Variants in HEG1 observed in about 807,000 individuals in gnomAD.
The protein encoded by HEG1 is protein HEG homolog 1.
A neutral mutation model predicts 125.6 loss-of-function variants in HEG1; 56 were observed. The observed-to-expected ratio is 0.45, with a 90% CI of 0.36 to 0.56. The LOEUF (loss-of-function observed/expected upper bound fraction) is 0.56. Ranked by LOEUF, HEG1 falls within the 20% of genes least tolerant of loss-of-function variation. The probability of loss-of-function intolerance (pLI) is 0.00; values close to 1 mark genes in which losing one functional copy is unlikely to be tolerated. For missense variants in HEG1, 1,523 were observed against 1,670.0 expected (o/e 0.91, Z 1.53); for synonymous variants, 644 against 668.5 (o/e 0.96, Z 0.57).
chr3:125,019,608 A>C lies in HEG1; in HGVS notation c.1253-11T>G. 6.3e-7 allele frequency: 1 copy of C among 1,591,840 alleles called. No individual in the cohort carries two copies. Among genetic ancestry groups the C allele is most frequent in the Non-Finnish European group, 8.6e-7 (1 of 1,162,224 alleles). ...GATGTTCTCCAAAGGCTGTAAGGTA[A>C]TATAGGAAAAAAAGGCCATTACATA... On this transcript the variant is annotated splice_polypyrimidine_tract_variant and intron_variant, in intron 4 of 16. Coordinates refer to ENST00000311127, the MANE Select transcript of HEG1 (RefSeq NM_020733.2).
chr3:125,054,404 G>T (rs896874915), intron 1 of HEG1, among the ~76,000 whole-genome samples: 23 of 152,206 alleles, frequency 1.5e-4, no homozygotes, highest in African/African-American at 5.5e-4. Flanking sequence ...GTTTTTACAG[G>T]AGAACTTGAT....
At chr3:124,980,336 C>A (rs1936625255) in intron 14 of HEG1, among the ~76,000 whole-genome samples, 1 of 152,194 alleles carries the variant, frequency 6.6e-6, no homozygotes, top group African/African-American at 2.4e-5. Context: ...GCTTATCCTG[C>A]CACACCAAGT....
chr3:125,014,312 G>A (rs942863318), intron 5 of HEG1, among the ~76,000 whole-genome samples: 7 of 152,096 alleles, frequency 4.6e-5, no homozygotes, highest in Non-Finnish European at 1.0e-4. Flanking sequence ...TGCCTTTTTC[G>A]ATAAAAGCAA....
chr3:125,033,972 C>G (rs79729014), intron 1 of HEG1, among the ~76,000 whole-genome samples: 1 of 151,862 alleles, frequency 6.6e-6, no homozygotes, highest in African/African-American at 2.4e-5. Context: ...CACCCCACCC[C>G]GCCCTATCCG....
intron 14 of HEG1, among the ~76,000 whole-genome samples, chr3:124,978,242 G>A (rs1427907493): frequency 6.6e-6 from 1 of 152,168 alleles, no homozygotes; most frequent in East Asian, 1.9e-4. Context: ...CCGCCTCCTG[G>A]GTTCAAGCGA....
chr3:125,049,041 T>G (rs981919435), intron 1 of HEG1, among the ~76,000 whole-genome samples: 2 of 152,186 alleles, frequency 1.3e-5, no homozygotes, highest in Non-Finnish European at 2.9e-5. Flanking sequence ...TTTTCCTCTT[T>G]TATTTCACCA....
At chr3:125,037,546 A>C (rs2333032) in intron 1 of HEG1, among the ~76,000 whole-genome samples, 1 of 152,120 alleles carries the variant, frequency 6.6e-6, no homozygotes, top group African/African-American at 2.4e-5. Flanking sequence ...GCCTAACTAC[A>C]CTCAGTAACA....
Position 125,019,313 on chromosome 3 carries a change from T to C in HEG1, c.1537A>G (p.Thr513Ala). The C allele has an allele frequency of 6.2e-7, 1 of 1,613,592 alleles. No individual in the cohort carries two copies. The highest frequency in any genetic ancestry group is 8.5e-7 in the Non-Finnish European group (1 of 1,179,484). ...GAATTCAAGCTTTCCGAGGAAGATG[T>C]AGATGAAGACTCTGAATAACTCCTA... is the stretch of plus-strand genomic sequence containing the variant. Reference protein sequence around the residue: ...GDRSYSESSSTSSSESLNSSA... With the variant: ...GDRSYSESSSASSSESLNSSA... The change falls in exon 5 of 17, where the codon ACA (threonine) becomes GCA (alanine). Residue 513 changes from threonine to alanine, a missense_variant. Transcript: ENST00000311127.
chr3:125,052,775 C>G (rs1937841279), intron 1 of HEG1, among the ~76,000 whole-genome samples: 1 of 152,138 alleles, frequency 6.6e-6, no homozygotes, highest in African/African-American at 2.4e-5. Context: ...GGTGCAAAAG[C>G]TTAACAATGG....
chr3:125,051,047 G>A (rs1176259982), intron 1 of HEG1, among the ~76,000 whole-genome samples: 1 of 152,088 alleles, frequency 6.6e-6, no homozygotes, highest in Non-Finnish European at 1.5e-5. Flanking sequence ...CCCAGGAGAG[G>A]GCCCATTAAG....
intron 1 of HEG1, among the ~76,000 whole-genome samples, chr3:125,036,558 G>A (rs1223934747): frequency 2.0e-5 from 3 of 152,118 alleles, no homozygotes; most frequent in African/African-American, 7.2e-5. Flanking sequence ...TGACAAACAA[G>A]GGTAAATGTC....
chr3:125,027,429 G>A lies in HEG1; in HGVS notation c.689C>T (p.Thr230Ile), dbSNP rs1319255635. 1.9e-6 allele frequency: 3 copies of A among 1,613,940 alleles called. No homozygotes were observed. In the Admixed American group the frequency reaches 5.0e-5, roughly 27 times the overall value. The change falls in exon 3 of 17, where the codon ACA becomes ATA. Residue 230 changes from threonine to isoleucine, a missense_variant. By Grantham distance (89) the Thr-to-Ile change is moderately conservative (BLOSUM62 -1). Coordinates refer to ENST00000311127, the MANE Select transcript of HEG1 (RefSeq NM_020733.2). ...CCTCTCTGTTCCCATCTCCGAGGCT[G>A]TTCCACTCTTTGTTTGAAAAGCGGC... The part of the protein sequence containing the change: ...RIAAFQTKSG[T>I]ASEMGTERAM...
chr3:125,048,026 T>C (rs1212478107), intron 1 of HEG1, among the ~76,000 whole-genome samples: 1 of 152,134 alleles, frequency 6.6e-6, no homozygotes, highest in East Asian at 1.9e-4. Flanking sequence ...AGATGGGGGC[T>C]CCTGTTATTC....
At chr3:125,009,627 G>A in intron 8 of HEG1, 78 bp downstream of exon 8, 3 of 1,415,606 alleles carry the variant, frequency 2.1e-6, no homozygotes, top group Middle Eastern at 1.8e-4. Context: ...ATTTTGGTTA[G>A]CAAGAAAAAT....
chr3:125,029,353 T>C lies in HEG1; in HGVS notation c.452A>G (p.His151Arg), dbSNP rs374678444. The change falls in exon 2 of 17, where the codon CAT (histidine) becomes CGT (arginine). Residue 151 changes from histidine (H) to arginine (R), a missense_variant. Coordinates refer to ENST00000311127, the MANE Select transcript of HEG1 (RefSeq NM_020733.2). ...GVMVQTSGKS[H>R]AASDAPENLT... ...GTTTTCTGGAGCATCCGAAGCAGCA[T>C]GGCTCTTCCCAGAGGTCTGAACCAT... 8 of 1,613,984 alleles carry C rather than the reference T, an allele frequency of 5.0e-6. No individual in the cohort carries two copies. In the South Asian group the frequency reaches 5.5e-5, roughly 11 times the overall value.
chr3:125,010,492 C>A lies in HEG1; in HGVS notation c.3020G>T (p.Arg1007Leu), dbSNP rs202104573. ...NGECVADNTS[R>L]GYHCRCPPSW... Reference sequence around the variant, plus strand: ...AGGCGGGCACCTGCAGTGGTAGCCACGGCTGGTGTTGTCTGCGACGCATTC... The same window carrying A: ...AGGCGGGCACCTGCAGTGGTAGCCAAGGCTGGTGTTGTCTGCGACGCATTC... The change falls in exon 7 of 17, where the codon CGT becomes CTT. Residue 1007 changes from arginine (R) to leucine (L), a missense_variant. Arg to Leu is a moderately radical substitution (Grantham distance 102). Transcript: ENST00000311127. 11 of 1,560,516 alleles carry A rather than the reference C, an allele frequency of 7.0e-6. No individual in the cohort carries two copies. Among genetic ancestry groups the A allele is most frequent in the Non-Finnish European group, 9.6e-6 (11 of 1,151,582 alleles).
rs1250177287 is a variant in HEG1, at chr3:124,969,854, T to G, written c.*798A>C. On this transcript the variant is annotated 3_prime_UTR_variant, in exon 17 of 17. Transcript: ENST00000311127. ...GAAAAGTGCCCCCCTGCCTGCAATC[T>G]GCCTGCTGAGCCTCCAGCTAAAACC... The G allele has an allele frequency of 1.3e-5, 2 of 152,292 alleles. No individual in the cohort carries two copies. The highest frequency in any genetic ancestry group is 4.8e-5 in the African/African-American group (2 of 41,442). The allele number at this position is 152,292 out of a possible 1,614,324, so 9.4% of individuals were successfully genotyped here. A position where few individuals can be genotyped will look rare whatever the true frequency, so the allele number is the denominator to read the frequency against.
At chr3:125,052,273 G>A (rs968540404) in intron 1 of HEG1, among the ~76,000 whole-genome samples, 1 of 152,158 alleles carries the variant, frequency 6.6e-6, no homozygotes, top group African/African-American at 2.4e-5. Flanking sequence ...CCCTCCCTGA[G>A]GGGCTGTCTC....
intron 9 of HEG1, 61 bp downstream of exon 9, chr3:125,005,204 G>T: frequency 2.0e-6 from 2 of 995,016 alleles, no homozygotes; most frequent in Non-Finnish European, 3.1e-6. Context: ...GTCCCCTCTT[G>T]GAATAAAATC....
Sources: gnomAD v4.1 joint callset for allele counts (sites outside exome capture counted in the v4.1 genomes callset) on GRCh38, gnomAD v4.1.1 for gene constraint, MANE v1.5 for transcripts, NCBI Gene and HGNC (gene_info 2026-07-23, HGNC 2026-07-21) for gene names.